Variants in GOSR2 observed in about 807,000 individuals in gnomAD.
GOSR2 encodes 27 kDa Golgi SNARE protein.
GOSR2 carries 20 observed loss-of-function variants against 27.9 expected under a neutral mutation model. That is an observed-to-expected ratio of 0.72 (90% CI 0.50 to 1.04). The LOEUF is 1.04. Ranked by LOEUF, GOSR2 falls within the 50% of genes least tolerant of loss-of-function variation. GOSR2 has a pLI of 0.00. For synonymous variants in GOSR2, 91 were observed against 98.8 expected (o/e 0.92, Z 0.47); for missense variants, 261 against 270.5 (o/e 0.97, Z 0.25).
chr17:46,950,905 G>A (rs1364588840), intron 6 of GOSR2, among the ~76,000 whole-genome samples: 1 of 152,200 alleles, frequency 6.6e-6, no homozygotes, highest in Admixed American at 6.5e-5. Flanking sequence ...GACCCAGTCG[G>A]TGATGAGAGA....
chr17:46,932,523 A>G, intron 4 of GOSR2: 1 of 562,842 alleles, frequency 1.8e-6, no homozygotes, highest in Admixed American at 3.3e-5. Context: ...ATAGAGACAG[A>G]TGATTAGAAC....
At chr17:46,924,477 C>G (rs1262275592) in intron 1 of GOSR2, 1 of 152,060 alleles carries the variant, frequency 6.6e-6, no homozygotes, top group Non-Finnish European at 1.5e-5. Context: ...AGGTATATAC[C>G]TATCCTATTG....
chr17:46,967,723 C>G (rs999087736), downstream of GOSR2, among the ~76,000 whole-genome samples: 6 of 151,166 alleles, frequency 4.0e-5, no homozygotes, highest in African/African-American at 1.5e-4. Context: ...TCAGACAGTT[C>G]TGTAGACAAC....
chr17:46,930,668 A>C (rs757040388), intron 2 of GOSR2: 1 of 1,052 alleles, frequency 9.5e-4, no homozygotes, highest in African/African-American at 9.7e-4. Flanking sequence ...TTTTTTAAAT[A>C]AAAAAAAAAA....
At chr17:46,923,727 A>G (rs1011265075) in intron 1 of GOSR2, 7 of 462,346 alleles carry the variant, frequency 1.5e-5, no homozygotes, top group Admixed American at 4.3e-5. Context: ...AGCATTCACT[A>G]TTATTACTTG....
chr17:46,953,030 T>G (rs1394720120), intron 6 of GOSR2, among the ~76,000 whole-genome samples: 1 of 151,846 alleles, frequency 6.6e-6, no homozygotes, highest in African/African-American at 2.4e-5. Flanking sequence ...TTAAATTTTA[T>G]TATTATTTTT....
chr17:46,951,976 A>G (rs771314658), intron 6 of GOSR2, among the ~76,000 whole-genome samples: 3 of 152,086 alleles, frequency 2.0e-5, no homozygotes, highest in Non-Finnish European at 4.4e-5. Flanking sequence ...TTTTCTCTGC[A>G]TCCTCTCAGA....
chr17:46,952,213 T>C (rs896068311), intron 6 of GOSR2, among the ~76,000 whole-genome samples: 1 of 152,226 alleles, frequency 6.6e-6, no homozygotes, highest in Non-Finnish European at 1.5e-5. Context: ...CTCTCCTTCC[T>C]GTGGAAAACC....
At chr17:46,950,379 G>A (rs1343294581) in intron 6 of GOSR2, among the ~76,000 whole-genome samples, 2 of 152,218 alleles carry the variant, frequency 1.3e-5, no homozygotes, top group Non-Finnish European at 2.9e-5. Flanking sequence ...TGGAGAGAAG[G>A]GGAGGGAAAA....
At chr17:46,927,100 G>A (rs1409111797) in intron 1 of GOSR2, among the ~76,000 whole-genome samples, 1 of 152,154 alleles carries the variant, frequency 6.6e-6, no homozygotes, top group East Asian at 1.9e-4. Context: ...AGTTTGATGG[G>A]CTGAAGAAAT....
At chr17:46,926,484 T>G (rs2086518933) in intron 1 of GOSR2, among the ~76,000 whole-genome samples, 1 of 152,198 alleles carries the variant, frequency 6.6e-6, no homozygotes, top group Non-Finnish European at 1.5e-5. Flanking sequence ...CCCTGGCTTA[T>G]TTGCTACTAT....
chr17:46,966,780 G>C, exon 7 of GOSR2: 1 of 445,080 alleles, frequency 2.2e-6, no homozygotes, highest in South Asian at 6.1e-5. Context: ...CACCTGCCTT[G>C]CAAGAATTAT....
chr17:46,924,691 T>A (rs2086225805), intron 1 of GOSR2, among the ~76,000 whole-genome samples: 1 of 152,344 alleles, frequency 6.6e-6, no homozygotes, highest in East Asian at 1.9e-4. Context: ...ACCTACTTTG[T>A]AATGACAGAA....
chr17:46,940,728 T>C lies in GOSR2; in HGVS notation c.*1968T>C. 1 of 1,593,886 alleles carries C rather than the reference T, an allele frequency of 6.3e-7. No homozygotes were observed. The highest frequency in any genetic ancestry group is 1.1e-5 in the South Asian group (1 of 89,736). On this transcript the variant is annotated 3_prime_UTR_variant, in exon 6 of 6. Transcript: ENST00000640051. Reference sequence around the variant, plus strand: ...CTTTCCACACTTGACAGTGGTTGGCTTTGATGAACCCTCATGCTGCACCTT... The same window carrying C: ...CTTTCCACACTTGACAGTGGTTGGCCTTGATGAACCCTCATGCTGCACCTT...
chr17:46,935,254 A>G, intron 5 of GOSR2, 85 bp downstream of exon 5: 2 of 1,606,870 alleles, frequency 1.2e-6, no homozygotes, highest in South Asian at 2.2e-5. Flanking sequence ...TATTTTGATT[A>G]CGTGTCCTCA....
rs115952899 is a variant in GOSR2, at chr17:46,924,089, A to G, written c.29+868A>G. Among the ~76,000 whole-genome samples the G allele has an allele frequency of 4.0e-3, 612 of 152,300 alleles. 2 individuals are homozygous for G. The highest frequency in any genetic ancestry group is 0.014 in the African/African-American group (594 of 41,560). ...TACGATCCATTTCCAGAACTTTTTC[A>G]TCATCCCAGTGTGCCTGTTAATCAG... On this transcript the variant is annotated intron_variant, in intron 1 of 5. Transcript: ENST00000640051.
intron 1 of GOSR2, among the ~76,000 whole-genome samples, chr17:46,925,736 AC>A (rs973981028): frequency 6.6e-5 from 10 of 152,136 alleles, no homozygotes; most frequent in Admixed American, 5.9e-4. Context: ...GGAACTTTGA[AC>A]CCAGTTTGTG....
chr17:46,929,851 T>C (rs931380584), intron 2 of GOSR2: 10 of 431,918 alleles, frequency 2.3e-5, no homozygotes, highest in Admixed American at 7.2e-5. Flanking sequence ...CCATCTATCT[T>C]AATCTAATTA....
downstream of GOSR2, among the ~76,000 whole-genome samples, chr17:46,946,282 C>CAAAAAAAAAAA (rs58163051): frequency 1.1e-4 from 14 of 126,708 alleles, no homozygotes; most frequent in Admixed American, 2.4e-4. Flanking sequence ...CTAAAAATAC[C>CAAAAAAAAAAA]AAAAAAAAAA....
Sources: allele counts gnomAD v4.1 joint callset (sites outside exome capture counted in the v4.1 genomes callset), GRCh38; gene constraint gnomAD v4.1.1; transcripts MANE v1.5; gene names NCBI Gene and HGNC (gene_info 2026-07-23, HGNC 2026-07-21).